BIN3: variants seen among roughly 807,000 people sequenced by gnomAD.
The protein encoded by BIN3 is bridging integrator 3.
A neutral mutation model predicts 38.2 loss-of-function variants in BIN3; 41 were observed. The ratio of observed to expected loss-of-function variants is 1.07; its 90% CI spans 0.84 to 1.39. The LOEUF (loss-of-function observed/expected upper bound fraction) is 1.39. Among genes scored for constraint, BIN3 ranks in the 40% most tolerant of loss-of-function variants. The probability of loss-of-function intolerance (pLI) is 0.00; values close to 1 mark genes in which losing one functional copy is unlikely to be tolerated. For synonymous variants in BIN3, 145 were observed against 122.6 expected, an observed-to-expected ratio of 1.18 and a Z score of -1.21; for missense variants, 361 against 324.3, an observed-to-expected ratio of 1.11 and a Z score of -0.87.
intron 2 of BIN3, among the ~76,000 whole-genome samples, chr8:22,640,440 TG>T (rs1218858078): frequency 2.0e-5 from 3 of 148,170 alleles, no homozygotes; most frequent in East Asian, 4.1e-4. Context: ...CTGCCTGCCT[TG>T]GCCTCCCAAA....
intron 2 of BIN3, among the ~76,000 whole-genome samples, chr8:22,643,959 C>A (rs1234817219): frequency 1.3e-5 from 2 of 152,234 alleles, no homozygotes; most frequent in African/African-American, 2.4e-5. Flanking sequence ...TTCCAAAACA[C>A]TGGGAGGGCT....
At chr8:22,653,054 G>A (rs920436905) in intron 1 of BIN3, among the ~76,000 whole-genome samples, 1 of 152,160 alleles carries the variant, frequency 6.6e-6, no homozygotes, top group African/African-American at 2.4e-5. Context: ...TGTTTCCTCT[G>A]CAAATAAACT....
intron 4 of BIN3, among the ~76,000 whole-genome samples, chr8:22,631,289 G>C (rs576602095): frequency 6.6e-6 from 1 of 152,312 alleles, no homozygotes; most frequent in South Asian, 2.1e-4. Flanking sequence ...ACTGCAGCTG[G>C]TACAGGCGGG....
At chr8:22,665,819 G>A (rs2117607628) in intron 1 of BIN3, among the ~76,000 whole-genome samples, 1 of 152,336 alleles carries the variant, frequency 6.6e-6, no homozygotes, top group East Asian at 1.9e-4. Context: ...GATCAAACAT[G>A]AGGAACACCA....
chr8:22,624,477 C>T (rs1038456885), intron 6 of BIN3, 114 bp from the exon 7 acceptor site: 31 of 1,395,090 alleles, frequency 2.2e-5, no homozygotes, highest in Middle Eastern at 2.2e-4. Context: ...CTTGGAGGGG[C>T]GTCCTGGCCA....
chr8:22,636,503 G>A (rs745897370), intron 4 of BIN3, 22 bp downstream of exon 4: 2 of 1,551,470 alleles, frequency 1.3e-6, no homozygotes, highest in Non-Finnish European at 1.7e-6. Context: ...CAAGCGAGTG[G>A]TGCGGGTGGA....
Position 22,630,466 on chromosome 8 carries a change from C to T in BIN3, c.273G>A (p.Arg91=), listed in dbSNP as rs763759647. The change falls in exon 5 of 9, where the codon CGG becomes CGA. Residue 91 remains arginine, a synonymous_variant. Coordinates refer to ENST00000276416, the MANE Select transcript of BIN3 (RefSeq NM_018688.6). ...MVTALDTAMK[R]MDAFNQEKVN... is the part of the protein sequence containing the mutation. ...CCTTTTCCTGATTGAAGGCATCCAT[C>T]CGCTTCATGGCCGTGTCCAGGGCCG... The T allele has an allele frequency of 3.1e-6, 5 of 1,613,928 alleles. No homozygotes were observed. In the African/African-American group the frequency reaches 6.7e-5, roughly 22 times the overall value.
intron 5 of BIN3, 122 bp downstream of exon 5, chr8:22,630,320 G>T: frequency 7.2e-7 from 1 of 1,393,114 alleles, no homozygotes; most frequent in Non-Finnish European, 9.8e-7. Flanking sequence ...CAGCACACGA[G>T]GCCAGAGGGC....
intron 1 of BIN3, among the ~76,000 whole-genome samples, chr8:22,657,064 G>GCTTA (rs1803078896): frequency 6.6e-6 from 1 of 152,200 alleles, no homozygotes; most frequent in Non-Finnish European, 1.5e-5. Flanking sequence ...CATTTGTTAA[G>GCTTA]GGCCACCTTT....
chr8:22,625,278 C>A, intron 6 of BIN3: 1 of 701,338 alleles, frequency 1.4e-6, no homozygotes, highest in South Asian at 1.5e-5. Context: ...AGGGCTGGCC[C>A]TCGGTGCAAT....
At chr8:22,653,607 C>T (rs1329356745) in intron 1 of BIN3, among the ~76,000 whole-genome samples, 1 of 152,222 alleles carries the variant, frequency 6.6e-6, no homozygotes, top group East Asian at 1.9e-4. Flanking sequence ...TCCCAATTCA[C>T]CCTTCCTTAG....
At chr8:22,630,636 T>C (rs554463760) in intron 4 of BIN3, 58 bp from the exon 5 acceptor site, 3 of 1,597,378 alleles carry the variant, frequency 1.9e-6, no homozygotes, top group South Asian at 1.1e-5. Context: ...CACGGCCTTC[T>C]CTCCAGGACC....
At chr8:22,628,725 C>T (rs971443371) in intron 6 of BIN3, among the ~76,000 whole-genome samples, 16 of 152,182 alleles carry the variant, frequency 1.1e-4, no homozygotes, top group Non-Finnish European at 2.2e-4. Flanking sequence ...CCTGTGGCAG[C>T]CTCTGTGTCC....
intron 1 of BIN3, among the ~76,000 whole-genome samples, chr8:22,664,997 G>A (rs1012323179): frequency 1.3e-5 from 2 of 152,174 alleles, no homozygotes; most frequent in Non-Finnish European, 2.9e-5. Flanking sequence ...CCCACTATGC[G>A]TACAAAAAGA....
intron 4 of BIN3, among the ~76,000 whole-genome samples, chr8:22,632,504 ACT>A (rs1416060616): frequency 5.9e-5 from 9 of 152,128 alleles, no homozygotes; most frequent in Admixed American, 2.0e-4. Flanking sequence ...CTGTGGAGTG[ACT>A]CTGTAGATTT....
At chr8:22,647,869 G>A (rs1352013192) in intron 1 of BIN3, among the ~76,000 whole-genome samples, 2 of 152,180 alleles carry the variant, frequency 1.3e-5, no homozygotes, top group Non-Finnish European at 2.9e-5. Context: ...GCTCACACCT[G>A]TAATCCCAGC....
chr8:22,625,493 C>CA (rs1801975541), intron 6 of BIN3: 3 of 691,024 alleles, frequency 4.3e-6, no homozygotes, highest in African/African-American at 1.8e-5. Flanking sequence ...CATAGGCACT[C>CA]AGAGTTGAGA....
intron 1 of BIN3, among the ~76,000 whole-genome samples, chr8:22,648,643 T>C (rs1802786164): frequency 6.6e-6 from 1 of 152,170 alleles, no homozygotes; most frequent in Non-Finnish European, 1.5e-5. Context: ...TGAGGTCATC[T>C]TTCTCAGCTT....
intron 1 of BIN3, among the ~76,000 whole-genome samples, chr8:22,649,811 C>CAA (rs1802826170): frequency 1.3e-5 from 1 of 78,650 alleles, no homozygotes; most frequent in Non-Finnish European, 2.8e-5. Context: ...ACGCAAAGGA[C>CAA]AACACACACA....
Sources: gnomAD v4.1 joint callset for allele counts (sites outside exome capture counted in the v4.1 genomes callset) on GRCh38, gnomAD v4.1.1 for gene constraint, MANE v1.5 for transcripts, NCBI Gene and HGNC (gene_info 2026-07-23, HGNC 2026-07-21) for gene names.